The following CPED1 variants were observed in gnomAD, a reference collection of about 807,000 sequenced individuals.
CPED1 encodes the protein cadherin like and PC-esterase domain containing 1.
Under a neutral mutation model 128.2 loss-of-function variants are expected in CPED1, and 114 were observed. The ratio of observed to expected loss-of-function variants is 0.89; its 90% CI spans 0.76 to 1.04. CPED1 has a LOEUF of 1.04. CPED1 is among the 50% of genes least tolerant of loss of function. The pLI is 0.00. For synonymous variants in CPED1, 462 were observed against 426.7 expected (o/e 1.08, Z -1.02); for missense variants, 1,211 against 1,207.1 (o/e 1.00, Z -0.05).
intron 16 of CPED1, among the ~76,000 whole-genome samples, chr7:121,226,258 G>T (rs1329310811): frequency 6.6e-6 from 1 of 151,990 alleles, no homozygotes; most frequent in African/African-American, 2.4e-5. Context: ...AGGTCTGTTG[G>T]AGTTTGCTAG....
chr7:121,105,332 A>T (rs1350900971), intron 7 of CPED1, among the ~76,000 whole-genome samples: 2 of 152,060 alleles, frequency 1.3e-5, no homozygotes, highest in Non-Finnish European at 2.9e-5. Flanking sequence ...CCAAGGTAAA[A>T]ATGAGTAATG....
chr7:121,267,371 C>T (rs1792147872), intron 21 of CPED1, 69 bp downstream of exon 21: 9 of 867,850 alleles, frequency 1.0e-5, no homozygotes, highest in South Asian at 1.7e-5. Flanking sequence ...GAAAAAGACC[C>T]GTAAGGCACT....
chr7:121,139,410 T>G (rs1368246815), intron 14 of CPED1, among the ~76,000 whole-genome samples: 1 of 152,010 alleles, frequency 6.6e-6, no homozygotes, highest in African/African-American at 2.4e-5. Context: ...TTTTTCATTT[T>G]AATTGTATTA....
intron 18 of CPED1, among the ~76,000 whole-genome samples, chr7:121,264,454 A>G (rs540744481): frequency 1.3e-5 from 2 of 152,198 alleles, no homozygotes; most frequent in Middle Eastern, 6.8e-3. Flanking sequence ...ATTGTTCCAA[A>G]TGCAACCTGG....
intron 4 of CPED1, among the ~76,000 whole-genome samples, chr7:121,047,715 C>CTTCTTCTTCTTCTTCTTCTTCTTCT (rs1563005068): frequency 2.6e-5 from 2 of 76,064 alleles, no homozygotes; most frequent in African/African-American, 1.2e-4. Context: ...TCTTCTTCTT[C>CTTCTTCTTCTTCTTCTTCTTCTTCT]TTTTTTTTTT....
intron 18 of CPED1, among the ~76,000 whole-genome samples, chr7:121,253,815 G>T (rs1163564808): frequency 6.6e-6 from 1 of 151,734 alleles, no homozygotes; most frequent in Non-Finnish European, 1.5e-5. Context: ...AAATTAAGAA[G>T]GACAAAGAAA....
chr7:120,989,725 T>TC lies in CPED1; in HGVS notation c.106dup (p.Arg36ProfsTer20). 6.2e-7 allele frequency: 1 copy of TC among 1,613,874 alleles called. No individual in the cohort carries two copies. Among genetic ancestry groups the TC allele is most frequent in the Non-Finnish European group, 8.5e-7 (1 of 1,179,996 alleles). ...TGTCTCTTCTACCAGACTCTGACCCTCCGAGGGTCGAGGAAGCTCACAGCC... is the reference window on the plus strand; with the variant it reads ...TGTCTCTTCTACCAGACTCTGACCCTCCCGAGGGTCGAGGAAGCTCACAGCC... On this transcript the variant is annotated frameshift_variant, in exon 2 of 23. Coordinates refer to ENST00000310396, the MANE Select transcript of CPED1 (RefSeq NM_024913.5). LOFTEE classifies it high-confidence loss of function.
intron 2 of CPED1, among the ~76,000 whole-genome samples, chr7:121,003,293 G>C (rs1307379183): frequency 6.6e-6 from 1 of 152,148 alleles, no homozygotes; most frequent in Admixed American, 6.6e-5. Context: ...AGACCTGACT[G>C]AGACCTACTG....
At chr7:121,024,507 A>G (rs1792520699) in intron 3 of CPED1, among the ~76,000 whole-genome samples, 1 of 152,170 alleles carries the variant, frequency 6.6e-6, no homozygotes, top group Non-Finnish European at 1.5e-5. Context: ...GATCTTTTTA[A>G]GTTTCATAGA....
chr7:121,130,242 T>C lies in CPED1; in HGVS notation c.1525T>C (p.Phe509Leu). ...LTQYWSLLNV[F>L]EQFQFMNKKT... ...CCAATACTGGTCTCTTTTAAATGTA[T>C]TTGAACAATTTCAGTTCATGAATAA... is the stretch of plus-strand genomic sequence containing the variant. The change falls in exon 12 of 23, where the codon TTT becomes CTT. Residue 509 changes from phenylalanine (F) to leucine (L), a missense_variant. Transcript: ENST00000310396. 8 of 1,610,350 alleles carry C rather than the reference T, an allele frequency of 5.0e-6. No homozygotes were observed. Among genetic ancestry groups the C allele is most frequent in the Non-Finnish European group, 6.8e-6 (8 of 1,178,428 alleles).
intron 22 of CPED1, among the ~76,000 whole-genome samples, chr7:121,279,338 G>T (rs939389150): frequency 6.6e-6 from 1 of 151,736 alleles, no homozygotes; most frequent in African/African-American, 2.4e-5. Flanking sequence ...AAAAAATCAT[G>T]CATGAAGTAC....
At position 121,227,284 on chromosome 7, in the gene CPED1, A is replaced by G. The variant is rs545959813; in HGVS notation, c.2056-9430A>G. ...CGTTTCTTCTCCTTCCATTGATCCT[A>G]TATACTGACAATAGCTTCAATCAGA... On this transcript the variant is annotated intron_variant, in intron 16 of 22. Coordinates refer to ENST00000310396, the MANE Select transcript of CPED1 (RefSeq NM_024913.5). 7.9e-5 allele frequency among the ~76,000 whole-genome samples: 12 copies of G among 151,954 alleles called. No individual in the cohort carries two copies. In the South Asian group the frequency reaches 2.5e-3, roughly 32 times the overall value.
At chr7:121,176,843 G>T (rs2116485780) in intron 16 of CPED1, among the ~76,000 whole-genome samples, 1 of 152,168 alleles carries the variant, frequency 6.6e-6, no homozygotes, top group Admixed American at 6.6e-5. Flanking sequence ...TAAAATACAG[G>T]TTATTTATAT....
chr7:121,193,416 G>T (rs758447510), intron 16 of CPED1, among the ~76,000 whole-genome samples: 1 of 152,046 alleles, frequency 6.6e-6, no homozygotes, highest in Non-Finnish European at 1.5e-5. Context: ...ATACCTTTTA[G>T]GCTTGTTTGG....
At chr7:121,256,113 AAAAAAAAAAACAAAAC>A (rs1256644255) in intron 18 of CPED1, among the ~76,000 whole-genome samples, 2 of 70,704 alleles carry the variant, frequency 2.8e-5, no homozygotes, top group Admixed American at 1.9e-4. Context: ...ATCCTAAGCA[AAAAAAAAAAACAAAAC>A]AAAAAAAAAA....
At chr7:121,045,959 G>T (rs1393070848) in intron 3 of CPED1, among the ~76,000 whole-genome samples, 1 of 151,936 alleles carries the variant, frequency 6.6e-6, no homozygotes, top group Non-Finnish European at 1.5e-5. Flanking sequence ...CTCTCAAGGG[G>T]TAGTTATTCA....
intron 16 of CPED1, among the ~76,000 whole-genome samples, chr7:121,158,862 A>C (rs1218677986): frequency 6.6e-6 from 1 of 152,186 alleles, no homozygotes; most frequent in East Asian, 1.9e-4. Context: ...ACAACAGCCA[A>C]TCCATATTTA....
intron 7 of CPED1, among the ~76,000 whole-genome samples, chr7:121,121,801 A>T (rs1485393449): frequency 6.6e-6 from 1 of 152,190 alleles, no homozygotes; most frequent in African/African-American, 2.4e-5. Context: ...AACATCAAAT[A>T]ATTTCAGATT....
chr7:121,262,000 G>A (rs1792028878), intron 18 of CPED1: 1 of 360,874 alleles, frequency 2.8e-6, no homozygotes, highest in Middle Eastern at 8.7e-4. Flanking sequence ...CCTATTGGAA[G>A]TTGTTTGGGT....
Sources: allele counts gnomAD v4.1 joint callset (sites outside exome capture counted in the v4.1 genomes callset), GRCh38; gene constraint gnomAD v4.1.1; transcripts MANE v1.5; gene names NCBI Gene and HGNC (gene_info 2026-07-23, HGNC 2026-07-21).